MGA: variants seen among roughly 807,000 people sequenced by gnomAD.
The protein encoded by MGA is MAX dimerization protein MGA, also known as MAX gene-associated protein.
A neutral mutation model predicts 261.1 loss-of-function variants in MGA; 40 were observed. The observed-to-expected ratio is 0.15, with a 90% confidence interval of 0.12 to 0.20. MGA has a LOEUF of 0.20. Ranked by LOEUF, MGA falls within the 10% of genes least tolerant of loss-of-function variation. The pLI is 1.00. For missense variants in MGA, 3,397 were observed against 3,630.5 expected (o/e 0.94, Z 1.65); for synonymous variants, 1,302 against 1,290.6 (o/e 1.01, Z -0.19).
At chr15:41,764,140 CAG>C (rs1437501649) in intron 22 of MGA, among the ~76,000 whole-genome samples, 1 of 149,922 alleles carries the variant, frequency 6.7e-6, no homozygotes, top group Non-Finnish European at 1.5e-5. Flanking sequence ...GCCTGTGTGA[CAG>C]AGTGAGACTC....
chr15:41,704,032 C>T (rs745413438), intron 5 of MGA, among the ~76,000 whole-genome samples: 4 of 151,982 alleles, frequency 2.6e-5, no homozygotes, highest in South Asian at 4.2e-4. Flanking sequence ...AGCCTGGTCT[C>T]GAACTCTTCA....
At chr15:41,642,062 A>G (rs566163229) in intron 1 of MGA, among the ~76,000 whole-genome samples, 4 of 152,120 alleles carry the variant, frequency 2.6e-5, no homozygotes, top group Non-Finnish European at 4.4e-5. Flanking sequence ...TGACCTCTGA[A>G]AGTGCTGGGA....
intron 1 of MGA, among the ~76,000 whole-genome samples, chr15:41,661,444 TGGTA>T (rs148681610): frequency 0.022 from 3,241 of 147,494 alleles, 121 homozygotes; most frequent in African/African-American, 0.078. Flanking sequence ...AGTGCAAAAG[TGGTA>T]GTGTCTTGCT....
intron 1 of MGA, among the ~76,000 whole-genome samples, chr15:41,668,626 A>C (rs1207671161): frequency 6.6e-6 from 1 of 152,226 alleles, no homozygotes; most frequent in Non-Finnish European, 1.5e-5. Flanking sequence ...ATTAGATTAA[A>C]ATGAACTTTA....
intron 2 of MGA, among the ~76,000 whole-genome samples, chr15:41,687,134 A>C (rs1193927363): frequency 2.7e-5 from 4 of 149,836 alleles, no homozygotes; most frequent in East Asian, 3.9e-4. Flanking sequence ...GTTTTTTTCT[A>C]TTTCATTGAT....
intron 9 of MGA, among the ~76,000 whole-genome samples, chr15:41,715,134 TGTC>T (rs1480341416): frequency 1.5e-5 from 2 of 134,664 alleles, no homozygotes; most frequent in South Asian, 2.5e-4. Context: ...TTATGGTTTC[TGTC>T]TTTTTTTTTT....
intron 1 of MGA, among the ~76,000 whole-genome samples, chr15:41,631,515 A>C (rs2056587867): frequency 6.6e-6 from 1 of 152,216 alleles, no homozygotes; most frequent in Non-Finnish European, 1.5e-5. Flanking sequence ...GAAAACATAG[A>C]AATGAAAAAT....
intron 1 of MGA, among the ~76,000 whole-genome samples, chr15:41,653,165 G>C (rs779860239): frequency 4.6e-5 from 7 of 152,016 alleles, no homozygotes; most frequent in Admixed American, 1.3e-4. Flanking sequence ...TCAGGAGTTC[G>C]AGACCAGCCT....
At chr15:41,760,147 G>C (rs1469032615) in intron 19 of MGA, 176 bp from the exon 20 acceptor site, 3 of 607,778 alleles carry the variant, frequency 4.9e-6, no homozygotes, top group Non-Finnish European at 8.8e-6. Context: ...TGTTGGCATT[G>C]TAAGAGTTAG....
intron 9 of MGA, chr15:41,718,583 G>T (rs957206824): frequency 2.7e-5 from 10 of 368,590 alleles, no homozygotes. Flanking sequence ...ACTGCTTCTC[G>T]AAGTGAGCAT....
intron 1 of MGA, among the ~76,000 whole-genome samples, chr15:41,643,808 T>G (rs1041422530): frequency 6.7e-6 from 1 of 150,118 alleles, no homozygotes; most frequent in Non-Finnish European, 1.5e-5. Flanking sequence ...CTAAGTCGCC[T>G]CCGCCCGCCT....
chr15:41,762,358 C>G lies in MGA; in HGVS notation c.7740C>G (p.Ala2580=). 6.2e-7 allele frequency: 1 copy of G among 1,612,114 alleles called. No homozygotes were observed. The change falls in exon 22 of 24, where the codon GCC becomes GCG. Residue 2580 remains alanine (A), a synonymous_variant. Transcript: ENST00000219905. Reference sequence around the variant, plus strand: ...TTCTTTCCAGAAAAAAAGACCAGGCCACAGGTAGGAGGGACATTCTTCGCT... The same window carrying G: ...TTCTTTCCAGAAAAAAAGACCAGGCGACAGGTAGGAGGGACATTCTTCGCT...
At chr15:41,673,830 A>G (rs1442546989) in intron 2 of MGA, among the ~76,000 whole-genome samples, 1 of 151,774 alleles carries the variant, frequency 6.6e-6, no homozygotes, top group Non-Finnish European at 1.5e-5. Context: ...GGCGTGAGCT[A>G]CCCCATCCCT....
upstream of MGA, chr15:41,660,283 G>C (rs1405900773): frequency 1.3e-5 from 2 of 152,532 alleles, no homozygotes; most frequent in Non-Finnish European, 2.9e-5. Flanking sequence ...TCTTGCTGCT[G>C]CTCTGGGGCC....
intron 13 of MGA, among the ~76,000 whole-genome samples, chr15:41,737,140 A>C (rs1191190622): frequency 1.3e-5 from 2 of 152,134 alleles, no homozygotes; most frequent in Non-Finnish European, 2.9e-5. Context: ...TATGTTTAGA[A>C]ACTTGGGGAA....
intron 1 of MGA, among the ~76,000 whole-genome samples, chr15:41,668,344 A>G (rs1413612815): frequency 6.6e-6 from 1 of 152,188 alleles, no homozygotes; most frequent in Non-Finnish European, 1.5e-5. Context: ...CTTCTGAACC[A>G]TATGAAGAAC....
At chr15:41,679,276 C>A (rs2058544674) in intron 2 of MGA, among the ~76,000 whole-genome samples, 1 of 152,078 alleles carries the variant, frequency 6.6e-6, no homozygotes, top group African/African-American at 2.4e-5. Flanking sequence ...ACCTTGTGAT[C>A]CGCCCGCCTT....
intron 22 of MGA, 24 bp downstream of exon 22, chr15:41,762,386 C>T (rs1437310864): frequency 1.3e-6 from 2 of 1,581,606 alleles, no homozygotes; most frequent in Non-Finnish European, 1.7e-6. Context: ...TCTTCGCTTT[C>T]CTTAATGTAG....
chr15:41,711,225 G>T lies in MGA; in HGVS notation c.2960G>T (p.Gly987Val), dbSNP rs575209923. 1 of 1,614,004 alleles carries T rather than the reference G, an allele frequency of 6.2e-7. No individual in the cohort carries two copies. Among genetic ancestry groups the T allele is most frequent in the Admixed American group, 1.7e-5 (1 of 60,018 alleles). ...CAGCAACAGGGAAGTCGCCCTCCAG[G>T]CTTGTCTAAATCTCAGGTGAAGCTA... The change falls in exon 8 of 24, where the codon GGC becomes GTC. Residue 987 changes from glycine to valine, a missense_variant. Around this residue, in one of 9 missense-constraint regions of MGA, gnomAD observed 519 missense variants for 554.1 expected, o/e 0.94. Coordinates refer to ENST00000219905, the MANE Select transcript of MGA (RefSeq NM_001164273.2).
Sources: gnomAD v4.1 joint callset for allele counts (sites outside exome capture counted in the v4.1 genomes callset) on GRCh38, gnomAD v4.1.1 for gene constraint, gnomAD v4.1.1 regional missense constraint, MANE v1.5 for transcripts, NCBI Gene and HGNC (gene_info 2026-07-23, HGNC 2026-07-21) for gene names.